NCKAP5: variants seen among roughly 807,000 people sequenced by gnomAD.
NCKAP5 encodes NCK associated protein 5, also known as nck-associated protein 5.
A neutral mutation model predicts 167.0 loss-of-function variants in NCKAP5; 92 were observed. That is an observed-to-expected ratio of 0.55 (90% CI 0.47 to 0.66). The LOEUF (loss-of-function observed/expected upper bound fraction) is 0.66, where lower values mean the gene tolerates loss of function less well. NCKAP5 is among the 30% of genes least tolerant of loss of function. The pLI is 0.00. For synonymous variants in NCKAP5, 891 were observed against 877.4 expected (o/e 1.02, Z -0.27); for missense variants, 2,378 against 2,315.0 (o/e 1.03, Z -0.56).
chr2:132,986,680 A>T (rs931671363), intron 7 of NCKAP5, among the ~76,000 whole-genome samples: 1 of 152,226 alleles, frequency 6.6e-6, no homozygotes, highest in African/African-American at 2.4e-5. Flanking sequence ...TTTAAAAAAG[A>T]TATCTTTTAT....
chr2:133,515,804 CCT>C (rs1336121302), intron 3 of NCKAP5, among the ~76,000 whole-genome samples: 1 of 152,268 alleles, frequency 6.6e-6, no homozygotes, highest in Non-Finnish European at 1.5e-5. Flanking sequence ...GTCCCCCTGC[CCT>C]GTCTTGTCCT....
intron 16 of NCKAP5, among the ~76,000 whole-genome samples, chr2:132,747,239 T>C (rs188544056): frequency 9.7e-4 from 147 of 150,974 alleles, no homozygotes; most frequent in Admixed American, 3.2e-3. Flanking sequence ...TGAACACAGA[T>C]GAGCAAAGGA....
chr2:133,614,755 T>A, the NCKAP5 span, among the ~76,000 whole-genome samples: 1 of 151,946 alleles, frequency 6.6e-6, no homozygotes, highest in East Asian at 1.9e-4. Flanking sequence ...ACTTCCCCAA[T>A]CTAGCAAGGC....
chr2:133,160,310 T>G (rs2083733705), intron 5 of NCKAP5, among the ~76,000 whole-genome samples: 1 of 152,004 alleles, frequency 6.6e-6, no homozygotes, highest in Non-Finnish European at 1.5e-5. Flanking sequence ...GACATTCTCC[T>G]TGTACATTTA....
chr2:133,601,262 T>C, the NCKAP5 span, among the ~76,000 whole-genome samples: 1,096 of 152,324 alleles, frequency 7.2e-3, 9 homozygotes, highest in African/African-American at 0.025. Context: ...CAGCCTTGCC[T>C]TCTGGCCTCA....
intron 3 of NCKAP5, among the ~76,000 whole-genome samples, chr2:133,447,803 GA>G (rs1051893423): frequency 1.3e-5 from 2 of 152,078 alleles, no homozygotes; most frequent in African/African-American, 4.8e-5. Flanking sequence ...TTTTCTAAAA[GA>G]AGGGAATTTG....
At chr2:133,188,400 C>A (rs752886856) in intron 5 of NCKAP5, among the ~76,000 whole-genome samples, 8 of 151,940 alleles carry the variant, frequency 5.3e-5, no homozygotes, top group Non-Finnish European at 1.2e-4. Flanking sequence ...ACAAGGATAT[C>A]CAGGAACTGA....
chr2:133,474,934 C>A (rs1679748805), intron 3 of NCKAP5, among the ~76,000 whole-genome samples: 1 of 152,128 alleles, frequency 6.6e-6, no homozygotes, highest in Non-Finnish European at 1.5e-5. Flanking sequence ...CTTCAGCCTC[C>A]TGAGTAGCTG....
intron 4 of NCKAP5, among the ~76,000 whole-genome samples, chr2:133,257,919 A>G (rs1559325382): frequency 6.6e-6 from 1 of 152,192 alleles, no homozygotes; most frequent in Non-Finnish European, 1.5e-5. Context: ...CCACGCAAAG[A>G]ACCAGATTCC....
chr2:133,364,028 T>A (rs1322990730), intron 3 of NCKAP5, among the ~76,000 whole-genome samples: 2 of 152,216 alleles, frequency 1.3e-5, no homozygotes, highest in African/African-American at 2.4e-5. Flanking sequence ...TTTCATTTAA[T>A]CCCTCAATTA....
At chr2:133,485,621 G>A (rs1209640863) in intron 3 of NCKAP5, among the ~76,000 whole-genome samples, 1 of 152,126 alleles carries the variant, frequency 6.6e-6, no homozygotes, top group Non-Finnish European at 1.5e-5. Context: ...GCTTCACATA[G>A]AAAAAGTGTT....
At chr2:132,859,874 C>G (rs1432501300) in intron 11 of NCKAP5, among the ~76,000 whole-genome samples, 1 of 152,156 alleles carries the variant, frequency 6.6e-6, no homozygotes, top group African/African-American at 2.4e-5. Context: ...GACATATTCT[C>G]TAGTGCTTTG....
chr2:132,779,136 TA>T (rs1304392098), intron 15 of NCKAP5, among the ~76,000 whole-genome samples: 1 of 152,090 alleles, frequency 6.6e-6, no homozygotes, highest in East Asian at 1.9e-4. Context: ...TCACAGAAAA[TA>T]ATTAGAGTGT....
chr2:132,818,323 T>C (rs1001827998), intron 11 of NCKAP5, among the ~76,000 whole-genome samples: 29 of 152,232 alleles, frequency 1.9e-4, no homozygotes, highest in Admixed American at 4.6e-4. Flanking sequence ...TACAGACTTA[T>C]AATTTTTAGG....
At chr2:133,636,755 C>G in the NCKAP5 span, among the ~76,000 whole-genome samples, 5 of 151,860 alleles carry the variant, frequency 3.3e-5, no homozygotes, top group African/African-American at 4.9e-5. Context: ...TGGAATTGTC[C>G]CATTCCAAGG....
chr2:133,512,921 G>C (rs1160270303), intron 3 of NCKAP5, among the ~76,000 whole-genome samples: 1 of 152,094 alleles, frequency 6.6e-6, no homozygotes, highest in African/African-American at 2.4e-5. Flanking sequence ...TTCCCAGAGT[G>C]ACCTCAGCAT....
Position 132,791,133 on chromosome 2 carries a change from G to A in NCKAP5, c.910-928C>T, listed in dbSNP as rs140912723. Among the ~76,000 whole-genome samples the A allele has an allele frequency of 9.2e-5, 14 of 152,246 alleles. No homozygotes were observed. In the East Asian group the frequency reaches 1.4e-3, roughly 15 times the overall value. On this transcript the variant is annotated intron_variant, in intron 12 of 19. Coordinates refer to ENST00000409261, the MANE Select transcript of NCKAP5 (RefSeq NM_207363.3). ...TAATGTCCTCTTTATAGAGGGTGCC[G>A]CTGTCTGAGATTTCTGCTACACTTT...
intron 6 of NCKAP5, among the ~76,000 whole-genome samples, chr2:133,104,038 C>A (rs571286565): frequency 6.6e-6 from 1 of 152,028 alleles, no homozygotes; most frequent in African/African-American, 2.4e-5. Flanking sequence ...CTTAAAGAGT[C>A]TTTCCATATT....
At chr2:133,444,778 G>C (rs926394975) in intron 3 of NCKAP5, among the ~76,000 whole-genome samples, 4 of 152,166 alleles carry the variant, frequency 2.6e-5, no homozygotes, top group African/African-American at 9.7e-5. Flanking sequence ...CAGCTCCTCT[G>C]AACTCCAGGC....
Sources: gnomAD v4.1 joint callset for allele counts (sites outside exome capture counted in the v4.1 genomes callset) on GRCh38, gnomAD v4.1.1 for gene constraint, MANE v1.5 for transcripts, NCBI Gene and HGNC (gene_info 2026-07-23, HGNC 2026-07-21) for gene names.